Variants in CAPZB observed in about 807,000 individuals in gnomAD.
The protein encoded by CAPZB is F-actin-capping protein subunit beta.
In CAPZB, 2 loss-of-function variants were observed where a neutral mutation model predicts 38.1. The ratio of observed to expected loss-of-function variants is 0.05; its 90% CI spans 0.02 to 0.17. CAPZB has a LOEUF of 0.17. CAPZB is among the 10% of genes least tolerant of loss of function. The pLI is 1.00. For synonymous variants in CAPZB, 107 were observed against 127.4 expected (o/e 0.84, Z 1.08); for missense variants, 161 against 334.2 (o/e 0.48, Z 4.04).
chr1:19,421,099 G>T (rs2094399534), intron 1 of CAPZB, among the ~76,000 whole-genome samples: 1 of 152,206 alleles, frequency 6.6e-6, no homozygotes, highest in South Asian at 2.1e-4. Flanking sequence ...TATCTGATTT[G>T]TATCTGGAAT....
intron 1 of CAPZB, chr1:19,424,361 G>A (rs1179502451): frequency 2.0e-5 from 3 of 152,050 alleles, no homozygotes; most frequent in Admixed American, 2.0e-4. Flanking sequence ...TTTTTTAAAG[G>A]TAATAGAAAA....
chr1:19,371,464 C>T (rs551807000), intron 4 of CAPZB, among the ~76,000 whole-genome samples: 4 of 152,216 alleles, frequency 2.6e-5, no homozygotes, highest in African/African-American at 7.2e-5. Context: ...CACTGAGTGA[C>T]GCCTCAGCCC....
In CAPZB at chr1:19,426,298, A is replaced by AT. The variant is rs371327303; in HGVS notation, c.4-6549dup. On this transcript the variant is annotated intron_variant, in intron 1 of 8. Transcript: ENST00000264202. ...TGTGAAGGTTTTGGAGCCCCTAGAG[A>AT]TTTTTCCACAGGGGAATGACGACTG... is the stretch of plus-strand genomic sequence containing the variant. 5.5e-3 allele frequency among the ~76,000 whole-genome samples: 834 copies of AT among 152,056 alleles called. 6 individuals carry two copies. Among genetic ancestry groups the AT allele is most frequent in the African/African-American group, 0.019 (767 of 41,436 alleles).
intron 1 of CAPZB, among the ~76,000 whole-genome samples, chr1:19,423,986 A>AT (rs1182490491): frequency 2.7e-5 from 4 of 150,148 alleles, no homozygotes; most frequent in Admixed American, 1.3e-4. Flanking sequence ...CAATTTTTCT[A>AT]TTTTTTGTAG....
chr1:19,346,462 AAAAAAAAAAAAAAAAAG>A (rs1301156842), intron 6 of CAPZB, among the ~76,000 whole-genome samples: 1 of 90,138 alleles, frequency 1.1e-5, no homozygotes, highest in South Asian at 3.5e-4. Context: ...TAAAAAAAAA[AAAAAAAAAAAAAAAAAG>A]AAAGGGTAGA....
At chr1:19,432,042 CAAAAA>C (rs10583269) in intron 1 of CAPZB, among the ~76,000 whole-genome samples, 7 of 122,546 alleles carry the variant, frequency 5.7e-5, no homozygotes, top group African/African-American at 1.6e-4. Flanking sequence ...GATCCTGTCT[CAAAAA>C]AAAAAAAAAA....
At chr1:19,482,396 G>A (rs2094632841) in intron 1 of CAPZB, among the ~76,000 whole-genome samples, 1 of 152,218 alleles carries the variant, frequency 6.6e-6, no homozygotes, top group African/African-American at 2.4e-5. Context: ...ACAATACCAA[G>A]TTCCCATCAG....
chr1:19,383,233 G>T (rs527262542), intron 3 of CAPZB, among the ~76,000 whole-genome samples: 180 of 152,126 alleles, frequency 1.2e-3, no homozygotes, highest in African/African-American at 4.3e-3. Context: ...ATCATTTGAG[G>T]TCAGGAGTTC....
intron 1 of CAPZB, among the ~76,000 whole-genome samples, chr1:19,426,098 C>T (rs1226596017): frequency 6.6e-6 from 1 of 152,140 alleles, no homozygotes; most frequent in African/African-American, 2.4e-5. Flanking sequence ...GGGGCATGGC[C>T]TGGGGAGGTG....
chr1:19,454,253 T>G (rs1483478185), intron 1 of CAPZB, among the ~76,000 whole-genome samples: 2 of 152,200 alleles, frequency 1.3e-5, no homozygotes, highest in African/African-American at 2.4e-5. Flanking sequence ...AATTCACACC[T>G]GCACTCACAG....
chr1:19,363,279 T>TTTTA (rs397979443), intron 4 of CAPZB, among the ~76,000 whole-genome samples: 10 of 148,524 alleles, frequency 6.7e-5, no homozygotes, highest in African/African-American at 2.6e-4. Context: ...TTTTTTTTTT[T>TTTTA]AGAGACAGGG....
intron 6 of CAPZB, among the ~76,000 whole-genome samples, chr1:19,351,973 AC>A (rs2093994013): frequency 6.6e-6 from 1 of 151,972 alleles, no homozygotes; most frequent in Admixed American, 6.6e-5. Context: ...TCTGGCAAAA[AC>A]CCAGACGCCC....
chr1:19,348,661 C>T (rs903072368), intron 6 of CAPZB, among the ~76,000 whole-genome samples: 20 of 150,368 alleles, frequency 1.3e-4, no homozygotes, highest in African/African-American at 4.9e-4. Context: ...GGGCTGGACT[C>T]GGTCTGTTCT....
intron 1 of CAPZB, among the ~76,000 whole-genome samples, chr1:19,452,439 A>G (rs2100702092): frequency 6.6e-6 from 1 of 152,320 alleles, no homozygotes; most frequent in Admixed American, 6.5e-5. Flanking sequence ...ATGAATAAAC[A>G]TTCCCGGAAC....
At chr1:19,429,766 T>C (rs570408435) in intron 1 of CAPZB, among the ~76,000 whole-genome samples, 5 of 152,274 alleles carry the variant, frequency 3.3e-5, no homozygotes, top group African/African-American at 4.8e-5. Context: ...CAGGAGTCTC[T>C]AGAAAGGTAG....
chr1:19,380,582 G>A (rs905881305), intron 3 of CAPZB, among the ~76,000 whole-genome samples: 2 of 152,196 alleles, frequency 1.3e-5, no homozygotes, highest in African/African-American at 2.4e-5. Context: ...CCTCTGAAAC[G>A]GGGCTGCCCA....
rs149945576 is a variant in CAPZB at position 19,342,326 on chromosome 1, G to C, written c.731+2032C>G. Among the ~76,000 whole-genome samples, 872 of 152,368 alleles carry C rather than the reference G, an allele frequency of 5.7e-3. 6 individuals are homozygous for C. The highest frequency in any genetic ancestry group is 0.019 in the African/African-American group (794 of 41,592). On this transcript the variant is annotated intron_variant, in intron 8 of 8. Coordinates refer to ENST00000264202, the MANE Select transcript of CAPZB (RefSeq NM_004930.5). ...TGGACAGGCAATGTGCCGCTGAGCA[G>C]CGGGGAGGCTTATGTGGCTTCTGGG...
At chr1:19,445,375 T>C (rs2100662814) in intron 1 of CAPZB, among the ~76,000 whole-genome samples, 1 of 152,306 alleles carries the variant, frequency 6.6e-6, no homozygotes, top group East Asian at 1.9e-4. Flanking sequence ...ACTTTTTTTT[T>C]TTTAATTCTC....
chr1:19,450,144 C>CAAAAAAAAAAAAAAAAAA (rs71008167), intron 1 of CAPZB, among the ~76,000 whole-genome samples: 17 of 35,402 alleles, frequency 4.8e-4, no homozygotes, highest in Admixed American at 7.9e-4. Flanking sequence ...ACCCTGTCTC[C>CAAAAAAAAAAAAAAAAAA]AAAAAAAAAA....
Sources: allele counts gnomAD v4.1 joint callset (sites outside exome capture counted in the v4.1 genomes callset), GRCh38; gene constraint gnomAD v4.1.1; transcripts MANE v1.5; gene names NCBI Gene and HGNC (gene_info 2026-07-23, HGNC 2026-07-21).